The following SLC18A2 variants were observed in gnomAD, a reference collection of about 807,000 sequenced individuals.
SLC18A2 encodes solute carrier family 18 member A2.
SLC18A2 carries 33 observed loss-of-function variants against 59.2 expected under a neutral mutation model. The ratio of observed to expected loss-of-function variants is 0.56; its 90% CI spans 0.42 to 0.75. The LOEUF is 0.75. Among genes scored for constraint, SLC18A2 ranks in the 30% least tolerant of loss-of-function variants. SLC18A2 has a pLI of 0.00. For missense variants in SLC18A2, 569 were observed against 668.6 expected (o/e 0.85, Z 1.64); for synonymous variants, 228 against 253.5 (o/e 0.90, Z 0.95).
chr10:117,244,393 A>G, intron 3 of SLC18A2, 80 bp downstream of exon 3: 1 of 1,314,826 alleles, frequency 7.6e-7, no homozygotes, highest in Non-Finnish European at 1.0e-6. Flanking sequence ...TCTGCTTCTT[A>G]CTCATTGGTG....
intron 10 of SLC18A2, among the ~76,000 whole-genome samples, chr10:117,264,870 G>T (rs1589983417): frequency 6.6e-6 from 1 of 152,160 alleles, no homozygotes; most frequent in East Asian, 1.9e-4. Context: ...CATCTGCTCT[G>T]TGGAGCTTGG....
chr10:117,276,056 T>G (rs1479215329), intron 15 of SLC18A2, among the ~76,000 whole-genome samples: 1 of 150,876 alleles, frequency 6.6e-6, no homozygotes, highest in South Asian at 2.1e-4. Flanking sequence ...TTTGGGAGGT[T>G]GAGGCAGGAA....
chr10:117,269,946 G>C lies in SLC18A2; in HGVS notation c.1187-125G>C. ...AAAGATTAGTATCACCCCAAGACTT[G>C]CAGGTGGTGATGACAGAAGGGGAAG... On this transcript the variant is annotated intron_variant, in intron 13 of 15. Coordinates refer to ENST00000644641, the MANE Select transcript of SLC18A2 (RefSeq NM_003054.6). This position sits in a 1 kb window ranked among gnomAD's most constrained non-coding sequence, Gnocchi z 5.1. 8.9e-7 allele frequency: 1 copy of C among 1,119,034 alleles called. No individual in the cohort carries two copies. The highest frequency in any genetic ancestry group is 1.5e-5 in the South Asian group (1 of 67,712). The allele number at this position is 1,119,034 out of a possible 1,614,324, so 69.3% of individuals were successfully genotyped here.
Position 117,244,004 on chromosome 10 carries a change from A to T in SLC18A2, c.155A>T (p.Lys52Met). Residue 52 changes from lysine to methionine, a missense_variant, in exon 3 of 16, where the codon AAG becomes ATG. Transcript: ENST00000644641. ...ATCCCAAGTTATCTGTACAGCATTA[A>T]GCATGAGAAGAATGCTACAGAAATC... ...PIIPSYLYSIKHEKNATEIQT... is the reference protein window; with the variant it reads ...PIIPSYLYSIMHEKNATEIQT... The T allele has an allele frequency of 1.2e-6, 2 of 1,614,110 alleles. No homozygotes were observed. Among genetic ancestry groups the T allele is most frequent in the Non-Finnish European group, 1.7e-6 (2 of 1,180,016 alleles).
intron 3 of SLC18A2, among the ~76,000 whole-genome samples, chr10:117,245,142 G>A (rs573662994): frequency 6.6e-6 from 1 of 152,182 alleles, no homozygotes; most frequent in Admixed American, 6.5e-5. Flanking sequence ...AGGCCCCCAA[G>A]GTGTCAGTGC....
chr10:117,261,756 CG>C (rs1290258260), intron 10 of SLC18A2, among the ~76,000 whole-genome samples: 1 of 151,972 alleles, frequency 6.6e-6, no homozygotes, highest in African/African-American at 2.4e-5. Flanking sequence ...CCCAAATGGC[CG>C]GGGGAGAGGG....
intron 13 of SLC18A2, among the ~76,000 whole-genome samples, chr10:117,268,876 TG>T (rs1303608719): frequency 4.0e-5 from 6 of 151,808 alleles, no homozygotes; most frequent in African/African-American, 1.5e-4. Context: ...GTGTGTTGTG[TG>T]TATGAGTGTG....
intron 4 of SLC18A2, among the ~76,000 whole-genome samples, chr10:117,253,757 A>C (rs950297538): frequency 9.9e-5 from 15 of 152,138 alleles, no homozygotes; most frequent in African/African-American, 3.6e-4. Context: ...GAGGCAGGAG[A>C]ATCACTTGAA....
Position 117,277,208 on chromosome 10 carries a change from C to G in SLC18A2, c.1487C>G (p.Thr496Ser). 1 of 1,612,062 alleles carries G rather than the reference C, an allele frequency of 6.2e-7. No homozygotes were observed. Among genetic ancestry groups the G allele is most frequent in the South Asian group, 1.1e-5 (1 of 91,000 alleles). ...TGCCCTATTAAAACAAAAATGTACA[C>G]TCAGAATAATATCCAGTCATATCCG... is the stretch of plus-strand genomic sequence containing the variant. ...HNCPIKTKMYTQNNIQSYPIG... is the reference protein window; with the variant it reads ...HNCPIKTKMYSQNNIQSYPIG... The change falls in exon 16 of 16, where the codon ACT becomes AGT. Residue 496 changes from threonine (T) to serine (S), a missense_variant. This residue lies in a region of SLC18A2 where 192 missense variants were observed against 278.8 expected (regional missense o/e 0.69). Transcript: ENST00000644641.
Position 117,244,308 on chromosome 10 carries a change from C to G in SLC18A2, c.459C>G (p.Thr153=). Reference sequence around the variant, plus strand: ...CCAACCCTTTCATAGGACTACTGACCAACAGGTAGGGCAGACTACTTTAGT... The same window carrying G: ...CCAACCCTTTCATAGGACTACTGACGAACAGGTAGGGCAGACTACTTTAGT... ...LITNPFIGLL[T]NRIGYPIPIF... The change falls in exon 3 of 16, where the codon ACC becomes ACG. Residue 153 remains threonine, a synonymous_variant. Coordinates refer to ENST00000644641, the MANE Select transcript of SLC18A2 (RefSeq NM_003054.6). The G allele has an allele frequency of 6.2e-7, 1 of 1,613,040 alleles. No individual in the cohort carries two copies. The highest frequency in any genetic ancestry group is 8.5e-7 in the Non-Finnish European group (1 of 1,179,328).
chr10:117,271,602 T>A lies in SLC18A2; in HGVS notation c.1440+1139T>A, dbSNP rs532335392. ...AGTAATGCATGGCCCGTCTGACTCA[T>A]GGAAAAGGTATGGAAGGTGCTGTGG... On this transcript the variant is annotated intron_variant, in intron 15 of 15. Coordinates refer to ENST00000644641, the MANE Select transcript of SLC18A2 (RefSeq NM_003054.6). Among the ~76,000 whole-genome samples, 30 of 152,334 alleles carry A rather than the reference T, an allele frequency of 2.0e-4. 2 individuals carry two copies. In the East Asian group the frequency reaches 3.9e-3, roughly 20 times the overall value.
intron 3 of SLC18A2, among the ~76,000 whole-genome samples, chr10:117,246,059 T>C (rs1844107638): frequency 1.3e-5 from 2 of 152,212 alleles, no homozygotes; most frequent in African/African-American, 4.8e-5. Flanking sequence ...CAAACCGACC[T>C]CAGTAGTTGC....
Position 117,269,381 on chromosome 10 carries a change from C to T in SLC18A2, c.1187-690C>T, listed in dbSNP as rs1034296095. ...ACATATACATAGACATACACAGATA[C>T]ATATATACATATACATACATACTCA... On this transcript the variant is annotated intron_variant, in intron 13 of 15. Coordinates refer to ENST00000644641, the MANE Select transcript of SLC18A2 (RefSeq NM_003054.6). The surrounding 1 kb of genome is among the most constrained non-coding windows in gnomAD (Gnocchi z 5.1). Among the ~76,000 whole-genome samples, 11 of 152,048 alleles carry T rather than the reference C, an allele frequency of 7.2e-5. No individual in the cohort carries two copies. The highest frequency in any genetic ancestry group is 2.7e-4 in the African/African-American group (11 of 41,388).
intron 6 of SLC18A2, 68 bp from the exon 7 acceptor site, chr10:117,255,209 T>C (rs1844214544): frequency 2.9e-6 from 4 of 1,395,356 alleles, no homozygotes; most frequent in Non-Finnish European, 4.1e-6. Context: ...AAGAGTCAAA[T>C]AGATGGTTCT....
chr10:117,251,157 C>T (rs754162841), intron 3 of SLC18A2, among the ~76,000 whole-genome samples: 3 of 152,164 alleles, frequency 2.0e-5, no homozygotes, highest in Non-Finnish European at 2.9e-5. Context: ...CGTATTGGTA[C>T]TTCAACAACT....
In SLC18A2 at chr10:117,270,156, T is replaced by G; in HGVS notation, c.1272T>G (p.Ile424Met). ...CCGTCTATGGGAGTGTGTACGCCAT[T>G]GCGGATGTGGCATTTTGTATGGGGT... ...HVSVYGSVYAIADVAFCMGYA... is the reference protein window; with the variant it reads ...HVSVYGSVYAMADVAFCMGYA... Residue 424 changes from isoleucine to methionine, a missense_variant, in exon 14 of 16, where the codon ATT (isoleucine) becomes ATG (methionine). Ile to Met is a conservative substitution (Grantham distance 10, BLOSUM62 1). This residue lies in a region of SLC18A2 where 192 missense variants were observed against 278.8 expected (regional missense o/e 0.69). Transcript: ENST00000644641. 6.2e-7 allele frequency: 1 copy of G among 1,614,270 alleles called. No homozygotes were observed. The highest frequency in any genetic ancestry group is 1.1e-5 in the South Asian group (1 of 91,086).
At chr10:117,241,626 A>G in intron 1 of SLC18A2, 53 bp from the exon 2 acceptor site, 2 of 1,485,084 alleles carry the variant, frequency 1.3e-6, no homozygotes, top group South Asian at 1.3e-5. Context: ...GGGGGACGGG[A>G]GAATGGGGGG....
rs368504674 is a variant in SLC18A2 at position 117,255,612 on chromosome 10, C to G, written c.850C>G (p.Pro284Ala). 4.3e-6 allele frequency: 7 copies of G among 1,613,890 alleles called. No individual in the cohort carries two copies. The African/African-American group carries it at 9.3e-5, about 22-fold the overall frequency. Residue 284 changes from proline (P) to alanine (A), a missense_variant, in exon 9 of 16, where the codon CCC becomes GCC. Around this residue, in one of 2 missense-constraint regions of SLC18A2, gnomAD observed 377 missense variants for 389.8 expected, o/e 0.97. Coordinates refer to ENST00000644641, the MANE Select transcript of SLC18A2 (RefSeq NM_003054.6). Reference sequence around the variant, plus strand: ...TTCTTGACAGAGTCAGAAGGGGACACCCCTAACCACGCTGCTGAAGGACCC... The same window carrying G: ...TTCTTGACAGAGTCAGAAGGGGACAGCCCTAACCACGCTGCTGAAGGACCC... ...RVQPESQKGTPLTTLLKDPYI... is the reference protein window; with the variant it reads ...RVQPESQKGTALTTLLKDPYI...
chr10:117,277,171 A>G lies in SLC18A2; in HGVS notation c.1450A>G (p.Met484Val). 6.3e-7 allele frequency: 1 copy of G among 1,591,470 alleles called. No homozygotes were observed. Among genetic ancestry groups the G allele is most frequent in the African/African-American group, 1.3e-5 (1 of 74,470 alleles). ...CTTTGCTCTCTTTTAGGCTATTCTC[A>G]TGGATCACAACTGCCCTATTAAAAC... ...PAKEEKMAILMDHNCPIKTKM... is the reference protein window; with the variant it reads ...PAKEEKMAILVDHNCPIKTKM... Residue 484 changes from methionine (M) to valine (V), a missense_variant, in exon 16 of 16, where the codon ATG becomes GTG. This residue lies in a region of SLC18A2 where 192 missense variants were observed against 278.8 expected (regional missense o/e 0.69). Transcript: ENST00000644641.
Sources: allele counts gnomAD v4.1 joint callset (sites outside exome capture counted in the v4.1 genomes callset), GRCh38; gene constraint gnomAD v4.1.1; regional missense constraint gnomAD v4.1.1; non-coding constraint Gnocchi (gnomAD v3.1); transcripts MANE v1.5; gene names NCBI Gene and HGNC (gene_info 2026-07-23, HGNC 2026-07-21).